B3GNT5: variants seen among roughly 807,000 people sequenced by gnomAD.
B3GNT5 encodes the protein UDP-GlcNAc:betaGal beta-1,3-N-acetylglucosaminyltransferase 5.
In B3GNT5, 11 loss-of-function variants were observed where a neutral mutation model predicts 25.9. The observed-to-expected ratio is 0.42, with a 90% CI of 0.27 to 0.70. The LOEUF is 0.70. Among genes scored for constraint, B3GNT5 ranks in the 30% least tolerant of loss-of-function variants. B3GNT5 has a pLI of 0.23. For missense variants in B3GNT5, 385 were observed against 458.4 expected, an observed-to-expected ratio of 0.84 and a Z score of 1.46; for synonymous variants, 166 against 158.6, an observed-to-expected ratio of 1.05 and a Z score of -0.35.
At chr3:183,261,713 A>G (rs1406468434) in intron 1 of B3GNT5, among the ~76,000 whole-genome samples, 1 of 152,092 alleles carries the variant, frequency 6.6e-6, no homozygotes, top group Non-Finnish European at 1.5e-5. Flanking sequence ...GCAAGGAAAA[A>G]ACCAGAGCTA....
chr3:183,267,608 C>T lies in B3GNT5; in HGVS notation c.-301-1890C>T, dbSNP rs550268772. 1.1e-4 allele frequency among the ~76,000 whole-genome samples: 16 copies of T among 152,368 alleles called. No homozygotes were observed. The East Asian group carries it at 1.2e-3, about 11-fold the overall frequency. ...GGCTTGCTATGTGGCTCAGCCTACA[C>T]GGCTCTCTCCCCGTCAGTCCTGTCC... On this transcript the variant is annotated intron_variant, in intron 1 of 1. Transcript: ENST00000326505. This position sits in a 1 kb window ranked among gnomAD's most constrained non-coding sequence, Gnocchi z 5.5.
Position 183,255,537 on chromosome 3 carries a change from C to T in B3GNT5, c.-302+2065C>T, listed in dbSNP as rs762220638. Reference sequence around the variant, plus strand: ...GAGGCTGACTCAGGCTGACCCTTCCCGGCCCTGCAAGGCTCTAAGGTAGAA... The same window carrying T: ...GAGGCTGACTCAGGCTGACCCTTCCTGGCCCTGCAAGGCTCTAAGGTAGAA... On this transcript the variant is annotated intron_variant, in intron 1 of 1. Coordinates refer to ENST00000326505, the MANE Select transcript of B3GNT5 (RefSeq NM_032047.5). Among the ~76,000 whole-genome samples the T allele has an allele frequency of 3.1e-4, 47 of 152,274 alleles. 1 individual carries two copies. The highest frequency in any genetic ancestry group is 5.3e-4 in the Non-Finnish European group (36 of 68,032).
At chr3:183,262,069 T>TA (rs1560379360) in intron 1 of B3GNT5, among the ~76,000 whole-genome samples, 1 of 147,254 alleles carries the variant, frequency 6.8e-6, no homozygotes, top group South Asian at 2.1e-4. Context: ...TGCATATATA[T>TA]TATATATATA....
Position 183,267,331 on chromosome 3 carries a change from T to G in B3GNT5, c.-301-2167T>G, listed in dbSNP as rs1266545079. Reference sequence around the variant, plus strand: ...CTCTGGACAAAGTCTGAATGGGGCTTGGCTCTAATCTCTAGTCCTCATTGG... The same window carrying G: ...CTCTGGACAAAGTCTGAATGGGGCTGGGCTCTAATCTCTAGTCCTCATTGG... On this transcript the variant is annotated intron_variant, in intron 1 of 1. Coordinates refer to ENST00000326505, the MANE Select transcript of B3GNT5 (RefSeq NM_032047.5). This position sits in a 1 kb window ranked among gnomAD's most constrained non-coding sequence, Gnocchi z 5.5. Among the ~76,000 whole-genome samples the G allele has an allele frequency of 6.6e-6, 1 of 152,260 alleles. No homozygotes were observed. The highest frequency in any genetic ancestry group is 2.4e-5 in the African/African-American group (1 of 41,466).
Position 183,272,693 on chromosome 3 carries a change from A to G in B3GNT5, c.*1758A>G. ...GTTTTCTGACCAATTAAAAAAACAT[A>G]GAGAACAAAAGCATATTTGACCAAG... is the stretch of plus-strand genomic sequence containing the variant. On this transcript the variant is annotated 3_prime_UTR_variant, in exon 2 of 2. Coordinates refer to ENST00000326505, the MANE Select transcript of B3GNT5 (RefSeq NM_032047.5). The G allele has an allele frequency of 4.0e-6, 4 of 1,010,436 alleles. No individual in the cohort carries two copies. Among genetic ancestry groups the G allele is most frequent in the Non-Finnish European group, 4.8e-6 (4 of 836,562 alleles). The allele number at this position is 1,010,436 out of a possible 1,614,324, so 62.6% of individuals were successfully genotyped here.
chr3:183,263,734 T>C (rs1725834915), intron 1 of B3GNT5, among the ~76,000 whole-genome samples: 1 of 152,158 alleles, frequency 6.6e-6, no homozygotes, highest in Admixed American at 6.5e-5. Context: ...TCGAACTCAA[T>C]GCGAGTCTAA....
intron 1 of B3GNT5, among the ~76,000 whole-genome samples, chr3:183,268,790 G>A (rs190287068): frequency 4.7e-4 from 71 of 152,252 alleles, no homozygotes; most frequent in Non-Finnish European, 8.7e-4. Context: ...TGGCTAAGGC[G>A]GCATTGGTGT....
chr3:183,270,001 C>T lies in B3GNT5; in HGVS notation c.203C>T (p.Ser68Leu), dbSNP rs1317162382. 1 of 1,614,110 alleles carries T rather than the reference C, an allele frequency of 6.2e-7. No homozygotes were observed. The highest frequency in any genetic ancestry group is 8.5e-7 in the Non-Finnish European group (1 of 1,180,020). ...GATACCCTGTCTCTTAAGCACACCT[C>T]AGCGGGGCCTCGCTACCAATACTTG... ...VNDTLSLKHTSAGPRYQYLIN... is the reference protein window; with the variant it reads ...VNDTLSLKHTLAGPRYQYLIN... The change falls in exon 2 of 2, where the codon TCA becomes TTA. Residue 68 changes from serine (S) to leucine (L), a missense_variant. By Grantham distance (145) the Ser-to-Leu change is moderately radical (BLOSUM62 -2). Coordinates refer to ENST00000326505, the MANE Select transcript of B3GNT5 (RefSeq NM_032047.5). The surrounding 1 kb of genome is among the most constrained non-coding windows in gnomAD (Gnocchi z 4.5).
At chr3:183,259,670 T>C (rs967966048) in intron 1 of B3GNT5, among the ~76,000 whole-genome samples, 1 of 152,126 alleles carries the variant, frequency 6.6e-6, no homozygotes, top group Non-Finnish European at 1.5e-5. Context: ...CTGAGTCCGG[T>C]ACTTTTTTGC....
intron 1 of B3GNT5, among the ~76,000 whole-genome samples, chr3:183,264,393 T>C (rs1725907662): frequency 6.6e-6 from 1 of 152,254 alleles, no homozygotes; most frequent in East Asian, 1.9e-4. Context: ...GCAGACACAC[T>C]GTACCTTACC....
chr3:183,266,013 C>A (rs923609009), intron 1 of B3GNT5: 4 of 152,218 alleles, frequency 2.6e-5, no homozygotes, highest in Admixed American at 1.3e-4. Flanking sequence ...TGAAAAAATA[C>A]AGGAAAATAA....
In B3GNT5 at chr3:183,269,527, G is replaced by A. The variant is rs374501390; in HGVS notation, c.-272G>A. ...CATGGAATATTCACATGGGAGAGCC[G>A]CATGAGGCCGCCCACCACGCTTCCT... On this transcript the variant is annotated 5_prime_UTR_variant, in exon 2 of 2. Transcript: ENST00000326505. 21 of 364,502 alleles carry A rather than the reference G, an allele frequency of 5.8e-5. No individual in the cohort carries two copies. Among genetic ancestry groups the A allele is most frequent in the African/African-American group, 2.1e-4 (10 of 46,846 alleles). 22.6% of individuals were successfully genotyped at this position (364,502 alleles called of 1,614,324 possible). A position where few individuals can be genotyped will look rare whatever the true frequency, so the allele number is the denominator to read the frequency against.
At chr3:183,256,750 C>T (rs1417009454) in intron 1 of B3GNT5, among the ~76,000 whole-genome samples, 1 of 152,226 alleles carries the variant, frequency 6.6e-6, no homozygotes, top group East Asian at 1.9e-4. Flanking sequence ...GGACTCACCT[C>T]AAGTTTCCTT....
chr3:183,257,643 A>T (rs1172606251), intron 1 of B3GNT5, among the ~76,000 whole-genome samples: 1 of 152,202 alleles, frequency 6.6e-6, no homozygotes, highest in Non-Finnish European at 1.5e-5. Context: ...CCTCTGTGTT[A>T]TAAACCCTCT....
rs1458485209 is a variant in B3GNT5 at position 183,267,082 on chromosome 3, G to A, written c.-301-2416G>A. Among the ~76,000 whole-genome samples the A allele has an allele frequency of 6.6e-6, 1 of 152,132 alleles. No homozygotes were observed. Among genetic ancestry groups the A allele is most frequent in the Non-Finnish European group, 1.5e-5 (1 of 68,032 alleles). On this transcript the variant is annotated intron_variant, in intron 1 of 1. Coordinates refer to ENST00000326505, the MANE Select transcript of B3GNT5 (RefSeq NM_032047.5). The surrounding 1 kb of genome is among the most constrained non-coding windows in gnomAD (Gnocchi z 5.5). ...ATTACAGGCGTGAGCCACCATGGCC[G>A]GCCTTCAGCCTTTGTGATATTAAAG...
intron 1 of B3GNT5, among the ~76,000 whole-genome samples, chr3:183,255,513 A>G (rs920537823): frequency 8.5e-5 from 13 of 152,154 alleles, no homozygotes; most frequent in African/African-American, 3.1e-4. Context: ...TCTGAGGAGG[A>G]GGCTGACTCA....
In B3GNT5 at chr3:183,269,752, C is replaced by T. The variant is rs541062876; in HGVS notation, c.-47C>T. The T allele has an allele frequency of 2.4e-5, 36 of 1,528,982 alleles. No individual in the cohort carries two copies. Among genetic ancestry groups the T allele is most frequent in the South Asian group, 1.2e-4 (9 of 77,842 alleles). The allele number at this position is 1,528,982 out of a possible 1,614,324, so 94.7% of individuals were successfully genotyped here. ...GAAGTTCTATGGTCTCGAAGAAGCC[C>T]GTGCCTGTTTAAAACTGATCCTAAC... On this transcript the variant is annotated 5_prime_UTR_variant, in exon 2 of 2. Coordinates refer to ENST00000326505, the MANE Select transcript of B3GNT5 (RefSeq NM_032047.5).
At position 183,273,085 on chromosome 3, in the gene B3GNT5, A is replaced by AC; in HGVS notation, c.*2152dup. ...AGTATCTGTAAATAAAAGGGTTCCA[A>AC]CCTTTTAAAAAAGAAGGAAAAAACT... On this transcript the variant is annotated 3_prime_UTR_variant, in exon 2 of 2. Transcript: ENST00000326505. 7.1e-7 allele frequency: 1 copy of AC among 1,407,920 alleles called. No individual in the cohort carries two copies. Among genetic ancestry groups the AC allele is most frequent in the Non-Finnish European group, 9.5e-7 (1 of 1,053,962 alleles). The allele number at this position is 1,407,920 out of a possible 1,614,324, so 87.2% of individuals were successfully genotyped here. A position where few individuals can be genotyped will look rare whatever the true frequency, so the allele number is the denominator to read the frequency against.
intron 1 of B3GNT5, chr3:183,254,062 C>T (rs932302228): frequency 2.0e-5 from 3 of 152,018 alleles, no homozygotes; most frequent in African/African-American, 7.2e-5. Flanking sequence ...GGGCCGGCCC[C>T]TCCGCCCCGC....
Sources: gnomAD v4.1 joint callset for allele counts (sites outside exome capture counted in the v4.1 genomes callset) on GRCh38, gnomAD v4.1.1 for gene constraint, Gnocchi (gnomAD v3.1) non-coding constraint, MANE v1.5 for transcripts, NCBI Gene and HGNC (gene_info 2026-07-23, HGNC 2026-07-21) for gene names.